Variants in PRKD1 observed in about 807,000 individuals in gnomAD.
The protein encoded by PRKD1 is serine/threonine-protein kinase D1.
A neutral mutation model predicts 95.9 loss-of-function variants in PRKD1; 63 were observed. The ratio of observed to expected loss-of-function variants is 0.66; its 90% CI spans 0.54 to 0.81. The LOEUF (loss-of-function observed/expected upper bound fraction) is 0.81, where lower values mean the gene tolerates loss of function less well. PRKD1 is among the 30% of genes least tolerant of loss of function. The pLI is 0.00. For missense variants in PRKD1, 1,048 were observed against 1,165.3 expected (o/e 0.90, Z 1.47); for synonymous variants, 425 against 423.1 (o/e 1.00, Z -0.05).
chr14:29,586,505 A>G (rs369783687), intron 16 of PRKD1, among the ~76,000 whole-genome samples: 2 of 152,172 alleles, frequency 1.3e-5, no homozygotes, highest in East Asian at 3.8e-4. Flanking sequence ...GTAAGAATGA[A>G]ATCTGGGTTT....
intron 1 of PRKD1, among the ~76,000 whole-genome samples, chr14:29,842,980 C>T (rs559518735): frequency 1.5e-4 from 23 of 152,082 alleles, no homozygotes; most frequent in Non-Finnish European, 2.6e-4. Context: ...CAAATCATCC[C>T]AACCAAGCAA....
chr14:29,842,113 G>T (rs1318189544), intron 1 of PRKD1, among the ~76,000 whole-genome samples: 1 of 152,128 alleles, frequency 6.6e-6, no homozygotes, highest in Admixed American at 6.5e-5. Context: ...AACATGCATG[G>T]AGATGTCATC....
chr14:29,809,184 G>C (rs1488286371), intron 1 of PRKD1, among the ~76,000 whole-genome samples: 1 of 152,216 alleles, frequency 6.6e-6, no homozygotes, highest in Non-Finnish European at 1.5e-5. Flanking sequence ...AAAATATTCA[G>C]AAACCATGCT....
chr14:29,761,609 T>TA (rs1887987275), intron 1 of PRKD1, among the ~76,000 whole-genome samples: 1 of 152,126 alleles, frequency 6.6e-6, no homozygotes, highest in Non-Finnish European at 1.5e-5. Flanking sequence ...TCCTGTGCTA[T>TA]CAGCTGATTA....
chr14:29,595,771 G>C (rs992745886), intron 16 of PRKD1, among the ~76,000 whole-genome samples: 5 of 152,190 alleles, frequency 3.3e-5, no homozygotes, highest in Admixed American at 2.0e-4. Context: ...CCCAATTCCT[G>C]TGTAACAGGA....
At chr14:29,835,639 T>A (rs910042815) in intron 1 of PRKD1, among the ~76,000 whole-genome samples, 1 of 152,250 alleles carries the variant, frequency 6.6e-6, no homozygotes, top group Admixed American at 6.5e-5. Context: ...GGCGCGATCT[T>A]GGCTCACCAC....
At chr14:29,619,162 C>T (rs1300794878) in intron 13 of PRKD1, among the ~76,000 whole-genome samples, 1 of 151,910 alleles carries the variant, frequency 6.6e-6, no homozygotes, top group Non-Finnish European at 1.5e-5. Context: ...ACTTCAATCA[C>T]GGTACTTTTT....
intron 1 of PRKD1, among the ~76,000 whole-genome samples, chr14:29,850,421 G>A (rs927958226): frequency 8.6e-5 from 13 of 150,782 alleles, no homozygotes; most frequent in Non-Finnish European, 1.8e-4. Flanking sequence ...CATTCAAGCT[G>A]AGAGCCAAAT....
intron 1 of PRKD1, among the ~76,000 whole-genome samples, chr14:29,748,179 C>T (rs1027222288): frequency 6.6e-6 from 1 of 152,064 alleles, no homozygotes; most frequent in Non-Finnish European, 1.5e-5. Context: ...TATTCTGATT[C>T]GCAGCTATAA....
At chr14:29,705,502 TA>T (rs1252521090) in intron 2 of PRKD1, among the ~76,000 whole-genome samples, 5 of 151,930 alleles carry the variant, frequency 3.3e-5, no homozygotes, top group African/African-American at 1.2e-4. Context: ...CCTATACAAT[TA>T]ACCCATTTAA....
chr14:29,657,140 T>C lies in PRKD1; in HGVS notation c.696+6559A>G, dbSNP rs45548234. On this transcript the variant is annotated intron_variant, in intron 4 of 17. Coordinates refer to ENST00000331968, the MANE Select transcript of PRKD1 (RefSeq NM_002742.3). The stretch of plus-strand genomic sequence containing the variant: ...ATTTTCTATCTGATTCCGTTCAAGG[T>C]TGAAATATAATTCAAAAGCAGTAAG... 8.8e-3 allele frequency among the ~76,000 whole-genome samples: 1,334 copies of C among 152,298 alleles called. 24 individuals are homozygous for C. The highest frequency in any genetic ancestry group is 0.03 in the African/African-American group (1,242 of 41,528).
chr14:29,601,745 AG>A (rs1342528860), intron 13 of PRKD1, among the ~76,000 whole-genome samples: 1 of 152,218 alleles, frequency 6.6e-6, no homozygotes, highest in African/African-American at 2.4e-5. Flanking sequence ...CTTGTTTGAT[AG>A]GCACTATGGA....
chr14:29,626,360 G>A, intron 12 of PRKD1, 124 bp downstream of exon 12: 1 of 789,062 alleles, frequency 1.3e-6, no homozygotes, highest in South Asian at 1.9e-5. Flanking sequence ...AACACAAAAA[G>A]ATACACACAC....
chr14:29,924,283 G>C (rs1422171790), intron 1 of PRKD1, among the ~76,000 whole-genome samples: 1 of 152,116 alleles, frequency 6.6e-6, no homozygotes, highest in Admixed American at 6.6e-5. Context: ...CTTAGGGTAC[G>C]TTATCTTAAA....
chr14:29,718,585 C>A (rs896661663), intron 2 of PRKD1, among the ~76,000 whole-genome samples: 1 of 152,048 alleles, frequency 6.6e-6, no homozygotes, highest in African/African-American at 2.4e-5. Context: ...TTAACATAAG[C>A]CATACTTGGG....
intron 1 of PRKD1, among the ~76,000 whole-genome samples, chr14:29,837,931 T>C (rs1313823016): frequency 6.6e-6 from 1 of 152,208 alleles, no homozygotes; most frequent in Admixed American, 6.5e-5. Flanking sequence ...AGTACCAATT[T>C]TGTAAACATT....
intron 1 of PRKD1, among the ~76,000 whole-genome samples, chr14:29,826,812 T>TACACAC (rs1157312161): frequency 1.9e-5 from 1 of 51,324 alleles, no homozygotes; most frequent in African/African-American, 7.5e-5. Flanking sequence ...CACATATATA[T>TACACAC]ACACATATAT....
At chr14:29,685,297 C>T (rs1240070211) in intron 2 of PRKD1, among the ~76,000 whole-genome samples, 1 of 152,146 alleles carries the variant, frequency 6.6e-6, no homozygotes, top group Admixed American at 6.6e-5. Flanking sequence ...TAAGTATGCT[C>T]CACTATGTTA....
rs567649040 is a variant in PRKD1 at position 29,720,519 on chromosome 14, C to T, written c.403+5017G>A. 1.6e-4 allele frequency among the ~76,000 whole-genome samples: 25 copies of T among 151,972 alleles called. 1 individual carries two copies. In the Middle Eastern group the frequency reaches 0.01, roughly 62 times the overall value. On this transcript the variant is annotated intron_variant, in intron 2 of 17. Coordinates refer to ENST00000331968, the MANE Select transcript of PRKD1 (RefSeq NM_002742.3). ...AGCCCAAGCCGAGCACGGTGGCTCACGCCTGTAATCCCAGCACTTTGGGAG... is the reference window on the plus strand; with the variant it reads ...AGCCCAAGCCGAGCACGGTGGCTCATGCCTGTAATCCCAGCACTTTGGGAG...
Sources: gnomAD v4.1 joint callset for allele counts (sites outside exome capture counted in the v4.1 genomes callset) on GRCh38, gnomAD v4.1.1 for gene constraint, MANE v1.5 for transcripts, NCBI Gene and HGNC (gene_info 2026-07-23, HGNC 2026-07-21) for gene names.